The following GATAD2A variants were observed in gnomAD, a reference collection of about 807,000 sequenced individuals.
GATAD2A encodes the protein transcriptional repressor p66-alpha.
A neutral mutation model predicts 68.5 loss-of-function variants in GATAD2A; 12 were observed. The ratio of observed to expected loss-of-function variants is 0.18; its 90% CI spans 0.11 to 0.28. The LOEUF is 0.28. Among genes scored for constraint, GATAD2A ranks in the 10% least tolerant of loss-of-function variants. The pLI is 1.00. For missense variants in GATAD2A, 755 were observed against 868.5 expected, an observed-to-expected ratio of 0.87 and a Z score of 1.64; for synonymous variants, 410 against 375.3, an observed-to-expected ratio of 1.09 and a Z score of -1.07.
chr19:19,415,241 C>T (rs2147174487), intron 1 of GATAD2A, among the ~76,000 whole-genome samples: 1 of 151,708 alleles, frequency 6.6e-6, no homozygotes, highest in Middle Eastern at 3.4e-3. Context: ...CAACCTCCGC[C>T]TCCTGGGTTC....
chr19:19,407,527 C>G (rs772381516), intron 1 of GATAD2A, among the ~76,000 whole-genome samples: 1 of 152,188 alleles, frequency 6.6e-6, no homozygotes, highest in Non-Finnish European at 1.5e-5. Flanking sequence ...CCAGGCAGCC[C>G]GTACTTGGTG....
At chr19:19,500,075 C>T (rs1331923536) in intron 8 of GATAD2A, among the ~76,000 whole-genome samples, 2 of 152,268 alleles carry the variant, frequency 1.3e-5, no homozygotes, top group Admixed American at 6.5e-5. Context: ...CAGTCTGTCT[C>T]TGCCGTTCCC....
intron 8 of GATAD2A, among the ~76,000 whole-genome samples, chr19:19,499,434 G>A (rs995918893): frequency 1.3e-5 from 2 of 152,162 alleles, no homozygotes; most frequent in African/African-American, 4.8e-5. Flanking sequence ...CGGCAGGACT[G>A]TGAGGGGCCC....
At chr19:19,474,220 T>A in intron 2 of GATAD2A, 5 of 932,594 alleles carry the variant, frequency 5.4e-6, no homozygotes, top group African/African-American at 1.8e-5. Context: ...GAGAGGAGGG[T>A]GAGGTCGACA....
At chr19:19,470,419 C>A (rs1260775577) in intron 2 of GATAD2A, among the ~76,000 whole-genome samples, 1 of 152,190 alleles carries the variant, frequency 6.6e-6, no homozygotes, top group Non-Finnish European at 1.5e-5. Context: ...CAGGCGTGAG[C>A]CACTGTGCCC....
chr19:19,501,474 T>C (rs1451846366), intron 9 of GATAD2A, 58 bp downstream of exon 9: 18 of 1,343,616 alleles, frequency 1.3e-5, no homozygotes, highest in African/African-American at 2.9e-5. Flanking sequence ...CGTTCCGCGA[T>C]CCACCCCACG....
intron 1 of GATAD2A, among the ~76,000 whole-genome samples, chr19:19,394,203 G>T (rs534390365): frequency 5.3e-5 from 8 of 151,878 alleles, no homozygotes; most frequent in African/African-American, 1.7e-4. Context: ...TGCCTTTCTT[G>T]AAGTCAGTGG....
In GATAD2A at chr19:19,465,371, G is replaced by A. The variant is rs563018224; in HGVS notation, c.26G>A (p.Arg9Gln). The stretch of plus-strand genomic sequence containing the variant: ...ATGACCGAAGAAGCATGCCGAACAC[G>A]GAGTCAGAAACGAGCGCTTGAACGG... MTEEACRT[R>Q]SQKRALERDP... Residue 9 changes from arginine to glutamine, a missense_variant, in exon 2 of 12, where the codon CGG (arginine) becomes CAG (glutamine). Arg to Gln is a conservative substitution (Grantham distance 43). Transcript: ENST00000683918. 66 of 1,614,014 alleles carry A rather than the reference G, an allele frequency of 4.1e-5. No homozygotes were observed. Among genetic ancestry groups the A allele is most frequent in the South Asian group, 1.2e-4 (11 of 91,090 alleles).
chr19:19,413,263 C>T (rs1443574972), intron 1 of GATAD2A, among the ~76,000 whole-genome samples: 9 of 152,196 alleles, frequency 5.9e-5, no homozygotes, highest in African/African-American at 1.9e-4. Flanking sequence ...TTCACATCCG[C>T]AGAGGAACAT....
At chr19:19,407,734 G>A (rs531408508) in intron 1 of GATAD2A, among the ~76,000 whole-genome samples, 1 of 152,318 alleles carries the variant, frequency 6.6e-6, no homozygotes, top group African/African-American at 2.4e-5. Context: ...GGATTTTAAG[G>A]AACTGAACTA....
upstream of GATAD2A, among the ~76,000 whole-genome samples, chr19:19,405,570 C>T (rs1049819577): frequency 9.2e-5 from 14 of 151,984 alleles, no homozygotes; most frequent in Non-Finnish European, 1.8e-4. Flanking sequence ...GCTTCCGGGG[C>T]GGTACCGTCC....
Position 19,501,135 on chromosome 19 carries a change from G to A in GATAD2A, c.1222G>A (p.Ala408Thr), listed in dbSNP as rs765936748. The change falls in exon 9 of 12, where the codon GCC becomes ACC. Residue 408 changes from alanine (A) to threonine (T), a missense_variant. Ala to Thr is a moderately conservative substitution (Grantham distance 58). Coordinates refer to ENST00000683918, the MANE Select transcript of GATAD2A (RefSeq NM_001384528.1). ...LETQAGRMSA[A>T]TVLSREPYMC... The stretch of plus-strand genomic sequence containing the variant: ...GCTTGCAGCAGGCAGGATGTCGGCC[G>A]CCACTGTGCTGTCCCGGGAGCCCTA... The A allele has an allele frequency of 7.9e-5, 127 of 1,607,914 alleles. No homozygotes were observed. Among genetic ancestry groups the A allele is most frequent in the Non-Finnish European group, 9.8e-5 (115 of 1,175,570 alleles).
chr19:19,503,335 T>C (rs565821153), intron 11 of GATAD2A, among the ~76,000 whole-genome samples: 1 of 151,466 alleles, frequency 6.6e-6, no homozygotes, highest in South Asian at 2.1e-4. Context: ...GGCAGAGTGG[T>C]GGGGGGAGCC....
chr19:19,485,800 C>T (rs1380312662), intron 2 of GATAD2A, among the ~76,000 whole-genome samples: 2 of 152,180 alleles, frequency 1.3e-5, no homozygotes, highest in African/African-American at 4.8e-5. Context: ...CAGGGTTTGT[C>T]AGCCATGAGT....
At chr19:19,401,252 C>T (rs535847667), upstream of GATAD2A, among the ~76,000 whole-genome samples, 1 of 116,332 alleles carries the variant, frequency 8.6e-6, no homozygotes. Context: ...CTCCTTCTGT[C>T]GCACAGGCTG....
intron 1 of GATAD2A, among the ~76,000 whole-genome samples, chr19:19,412,237 G>A (rs557497005): frequency 9.9e-5 from 15 of 151,494 alleles, no homozygotes; most frequent in African/African-American, 2.9e-4. Context: ...CTCACTGCAA[G>A]CTCCGCCTCC....
intron 1 of GATAD2A, among the ~76,000 whole-genome samples, chr19:19,437,920 G>A (rs1332886961): frequency 1.3e-5 from 2 of 152,130 alleles, no homozygotes; most frequent in Non-Finnish European, 2.9e-5. Context: ...CCTGTGTTGC[G>A]TTCTTCTTAG....
intron 1 of GATAD2A, among the ~76,000 whole-genome samples, chr19:19,425,652 C>T (rs1379005258): frequency 6.6e-6 from 1 of 152,186 alleles, no homozygotes; most frequent in Non-Finnish European, 1.5e-5. Context: ...TTGTTTTTCA[C>T]CCAGCATCTG....
chr19:19,432,723 C>G (rs908106333), intron 1 of GATAD2A, among the ~76,000 whole-genome samples: 2 of 152,130 alleles, frequency 1.3e-5, no homozygotes, highest in Non-Finnish European at 2.9e-5. Flanking sequence ...TGGGGAGGGT[C>G]CTAGTGTGTT....
Sources: gnomAD v4.1 joint callset for allele counts (sites outside exome capture counted in the v4.1 genomes callset) on GRCh38, gnomAD v4.1.1 for gene constraint, MANE v1.5 for transcripts, NCBI Gene and HGNC (gene_info 2026-07-23, HGNC 2026-07-21) for gene names.